Variants in BFSP1 observed in about 807,000 individuals in gnomAD.
BFSP1 encodes the protein filensin.
In BFSP1, 38 loss-of-function variants were observed where a neutral mutation model predicts 43.9. The observed-to-expected ratio is 0.87, with a 90% CI of 0.67 to 1.14. The LOEUF (loss-of-function observed/expected upper bound fraction) is 1.14. Among genes scored for constraint, BFSP1 ranks in the 50% most tolerant of loss-of-function variants. The pLI is 0.00. For missense variants in BFSP1, 850 were observed against 875.1 expected (o/e 0.97, Z 0.36); for synonymous variants, 352 against 354.8 (o/e 0.99, Z 0.09).
intron 1 of BFSP1, chr20:17,569,056 G>A (rs992752): frequency 2.6e-5 from 4 of 151,950 alleles, no homozygotes; most frequent in Admixed American, 2.0e-4. Flanking sequence ...GAGCGGCGGG[G>A]CTGGCGCCAC....
chr20:17,502,201 C>T (rs772379886), intron 5 of BFSP1, among the ~76,000 whole-genome samples: 2 of 152,012 alleles, frequency 1.3e-5, no homozygotes, highest in Non-Finnish European at 2.9e-5. Flanking sequence ...AGTACCTTTC[C>T]GGTGGAGAAA....
At chr20:17,566,331 C>T (rs1021547861) in intron 1 of BFSP1, among the ~76,000 whole-genome samples, 10 of 152,116 alleles carry the variant, frequency 6.6e-5, no homozygotes, top group Non-Finnish European at 7.4e-5. Context: ...TCTTCCCTGC[C>T]GCTTATATTA....
intron 5 of BFSP1, chr20:17,506,894 T>C (rs1228088911): frequency 6.6e-6 from 1 of 152,084 alleles, no homozygotes; most frequent in Non-Finnish European, 1.5e-5. Flanking sequence ...GCGGTCTCCA[T>C]CAGAATGCCA....
chr20:17,519,513 G>C (rs548526764), intron 2 of BFSP1, among the ~76,000 whole-genome samples: 1 of 152,224 alleles, frequency 6.6e-6, no homozygotes, highest in Non-Finnish European at 1.5e-5. Flanking sequence ...CTCGTGAATG[G>C]AAGTTAGTGG....
chr20:17,557,236 C>T (rs77400162), intron 1 of BFSP1, among the ~76,000 whole-genome samples: 3,238 of 152,346 alleles, frequency 0.021, 49 homozygotes, highest in African/African-American at 0.039. Context: ...GATACCAGGT[C>T]CCACGTCAAT....
Position 17,494,797 on chromosome 20 carries a change from T to G in BFSP1, c.1275A>C (p.Glu425Asp). The G allele has an allele frequency of 6.2e-7, 1 of 1,614,208 alleles. No homozygotes were observed. Among genetic ancestry groups the G allele is most frequent in the Non-Finnish European group, 8.5e-7 (1 of 1,180,042 alleles). ...ESKEVSPLTQ[E>D]GAPEDVPDGG... is the part of the protein sequence containing the mutation. ...CATCTGGCACATCCTCTGGAGCCCCTTCTTGTGTCAGGGGACTTACTTCTT... is the reference window on the plus strand; with the variant it reads ...CATCTGGCACATCCTCTGGAGCCCCGTCTTGTGTCAGGGGACTTACTTCTT... The change falls in exon 8 of 8, where the codon GAA becomes GAC. Residue 425 changes from glutamate to aspartate, a missense_variant. Physicochemically the swap from Glu to Asp is conservative, Grantham distance 45. Transcript: ENST00000377873.
chr20:17,544,920 G>T (rs1225644837), intron 1 of BFSP1, among the ~76,000 whole-genome samples: 1 of 152,130 alleles, frequency 6.6e-6, no homozygotes, highest in South Asian at 2.1e-4. Flanking sequence ...TCCAGACAAA[G>T]GTTCAAACAC....
At chr20:17,497,497 T>TAC (rs1380265174) in intron 6 of BFSP1, among the ~76,000 whole-genome samples, 24 of 146,754 alleles carry the variant, frequency 1.6e-4, no homozygotes, top group East Asian at 4.0e-4. Flanking sequence ...TATATATATA[T>TAC]ACACGTATAT....
At chr20:17,529,430 T>G (rs2034487365) in intron 1 of BFSP1, among the ~76,000 whole-genome samples, 1 of 152,090 alleles carries the variant, frequency 6.6e-6, no homozygotes, top group East Asian at 1.9e-4. Context: ...AAAAGTCTCC[T>G]TCCCACCTCT....
At position 17,498,906 on chromosome 20, in the gene BFSP1, G is replaced by GT. The variant is rs750553805; in HGVS notation, c.869dup (p.Tyr290Ter). ...GGGCGACCGCCAGCTGCCGGCAGTC[G>GT]TAAGAAGACTTCTCCAGGACCCGCT... ...ETERVLEKSS[Y>*]DCRQLAVAQQ... The change falls in exon 6 of 8, where the codon TAC becomes TAAC. Residue 290 changes from tyrosine to a stop codon, truncating the protein, a stop_gained and frameshift_variant. Coordinates refer to ENST00000377873, the MANE Select transcript of BFSP1 (RefSeq NM_001195.5). LOFTEE classifies it high-confidence loss of function. 13 of 1,614,016 alleles carry GT rather than the reference G, an allele frequency of 8.1e-6. No individual in the cohort carries two copies. The highest frequency in any genetic ancestry group is 1.7e-5 in the Admixed American group (1 of 59,982).
At chr20:17,523,832 T>G (rs1655152176) in intron 2 of BFSP1, among the ~76,000 whole-genome samples, 1 of 151,910 alleles carries the variant, frequency 6.6e-6, no homozygotes, top group African/African-American at 2.4e-5. Flanking sequence ...CTAGTTCTGA[T>G]TTTCCCCTCA....
At chr20:17,517,531 A>C (rs912955163) in intron 2 of BFSP1, among the ~76,000 whole-genome samples, 21 of 152,166 alleles carry the variant, frequency 1.4e-4, no homozygotes, top group African/African-American at 4.8e-4. Context: ...TGATCCACCC[A>C]CCGTGGCCTC....
intron 2 of BFSP1, among the ~76,000 whole-genome samples, chr20:17,519,075 G>C (rs1474676): frequency 6.9e-6 from 1 of 144,490 alleles, no homozygotes; most frequent in Non-Finnish European, 1.5e-5. Context: ...TCTTCCCTCT[G>C]CCCCTCTTAA....
At chr20:17,562,489 T>C (rs1228403177), upstream of BFSP1, among the ~76,000 whole-genome samples, 1 of 128,938 alleles carries the variant, frequency 7.8e-6, no homozygotes, top group African/African-American at 3.1e-5. Flanking sequence ...ATCACGCCAC[T>C]GCACTCCAGC....
upstream of BFSP1, among the ~76,000 whole-genome samples, chr20:17,532,476 T>C (rs1390790711): frequency 6.7e-6 from 1 of 149,934 alleles, no homozygotes; most frequent in East Asian, 2.0e-4. Flanking sequence ...TAAAATGTAA[T>C]ACAAAAAAAT....
chr20:17,523,486 G>A (rs2123514390), intron 2 of BFSP1, among the ~76,000 whole-genome samples: 1 of 152,048 alleles, frequency 6.6e-6, no homozygotes, highest in Non-Finnish European at 1.5e-5. Context: ...AGCTACAGGT[G>A]TCAGCAGAAT....
At position 17,525,838 on chromosome 20, in the gene BFSP1, T is replaced by A. The variant is rs2034407691; in HGVS notation, c.378-930A>T. 6.6e-6 allele frequency among the ~76,000 whole-genome samples: 1 copy of A among 152,132 alleles called. No homozygotes were observed. The highest frequency in any genetic ancestry group is 2.4e-5 in the African/African-American group (1 of 41,430). On this transcript the variant is annotated intron_variant, in intron 1 of 7. Transcript: ENST00000377873. This position sits in a 1 kb window ranked among gnomAD's most constrained non-coding sequence, Gnocchi z 4.2. ...CATTCCTTGCAGCCAGGTGTGGCCA[T>A]GTGACTAAGTCCTGACCAATGGGAT...
chr20:17,503,236 C>T (rs898837038), intron 5 of BFSP1, among the ~76,000 whole-genome samples: 36 of 152,194 alleles, frequency 2.4e-4, no homozygotes, highest in African/African-American at 8.7e-4. Context: ...AATTATGTTG[C>T]CTAGGCTGGT....
At chr20:17,530,020 C>T (rs1487376677) in intron 1 of BFSP1, among the ~76,000 whole-genome samples, 3 of 152,166 alleles carry the variant, frequency 2.0e-5, no homozygotes, top group African/African-American at 7.2e-5. Flanking sequence ...AGACCATGCC[C>T]TGGACCAGTG....
Sources: gnomAD v4.1 joint callset for allele counts (sites outside exome capture counted in the v4.1 genomes callset) on GRCh38, gnomAD v4.1.1 for gene constraint, Gnocchi (gnomAD v3.1) non-coding constraint, MANE v1.5 for transcripts, NCBI Gene and HGNC (gene_info 2026-07-23, HGNC 2026-07-21) for gene names.